The following FRAS1 variants were observed in gnomAD, a reference collection of about 807,000 sequenced individuals.
FRAS1 encodes Fraser extracellular matrix complex subunit 1.
In FRAS1, 290 loss-of-function variants were observed where a neutral mutation model predicts 435.2. That is an observed-to-expected ratio of 0.67 (90% CI 0.61 to 0.73). FRAS1 has a LOEUF of 0.73. Ranked by LOEUF, FRAS1 falls within the 30% of genes least tolerant of loss-of-function variation. The probability of loss-of-function intolerance (pLI) is 0.00; values close to 1 mark genes in which losing one functional copy is unlikely to be tolerated. For missense variants in FRAS1, 4,860 were observed against 5,001.5 expected (o/e 0.97, Z 0.85); for synonymous variants, 1,800 against 1,851.0 (o/e 0.97, Z 0.71).
At chr4:78,511,016 C>T (rs1721017593) in intron 63 of FRAS1, among the ~76,000 whole-genome samples, 1 of 152,196 alleles carries the variant, frequency 6.6e-6, no homozygotes. Context: ...GGAAATCATT[C>T]ATCTATGGGT....
chr4:78,081,133 T>C (rs1740874960), intron 2 of FRAS1, among the ~76,000 whole-genome samples: 1 of 152,014 alleles, frequency 6.6e-6, no homozygotes, highest in South Asian at 2.1e-4. Flanking sequence ...TGGGGGTTTG[T>C]GGGGCTGCAG....
chr4:78,344,910 A>G (rs1302767437), intron 20 of FRAS1, among the ~76,000 whole-genome samples: 1 of 152,230 alleles, frequency 6.6e-6, no homozygotes, highest in Non-Finnish European at 1.5e-5. Context: ...TTTCAGTTGT[A>G]GTCAACAGCT....
intron 47 of FRAS1, among the ~76,000 whole-genome samples, chr4:78,456,196 T>G (rs1294371065): frequency 8.8e-6 from 1 of 113,358 alleles, no homozygotes; most frequent in Non-Finnish European, 1.8e-5. Flanking sequence ...CAGGCTGGAG[T>G]GCAACGGTGT....
chr4:78,425,851 C>A (rs55649620), intron 35 of FRAS1, among the ~76,000 whole-genome samples: 36,338 of 151,996 alleles, frequency 0.24, 4,651 homozygotes, highest in African/African-American at 0.32. Flanking sequence ...GAGTAGATAA[C>A]CTGGCCAGGT....
At chr4:78,157,739 A>G (rs1404802399) in intron 2 of FRAS1, among the ~76,000 whole-genome samples, 1 of 152,134 alleles carries the variant, frequency 6.6e-6, no homozygotes, top group African/African-American at 2.4e-5. Flanking sequence ...ATAGTTTGCA[A>G]ATATTTTCTC....
At position 78,372,859 on chromosome 4, in the gene FRAS1, G is replaced by A. The variant is rs574631014; in HGVS notation, c.3010+1G>A. ...TACCAGGACTCGGGCCTCTGCAAGA[G>A]TAAGTGTGTAGAGGCCCTGCTCTGT... On this transcript the variant is annotated splice_donor_variant, in intron 24 of 73. Coordinates refer to ENST00000512123, the MANE Select transcript of FRAS1 (RefSeq NM_025074.7). LOFTEE classifies it high-confidence loss of function. 66 of 1,612,178 alleles carry A rather than the reference G, an allele frequency of 4.1e-5. No individual in the cohort carries two copies. The highest frequency in any genetic ancestry group is 4.1e-4 in the Middle Eastern group (2 of 4,922).
In FRAS1 at chr4:78,103,263, G is replaced by A. The variant is rs574288814; in HGVS notation, c.108+37247G>A. ...AACAATTTTAATTGTTAAGTAAAGC[G>A]TTTGACCTTCTTAGTATTTCCTTTT... On this transcript the variant is annotated intron_variant, in intron 2 of 73. Transcript: ENST00000512123. 9.1e-4 allele frequency among the ~76,000 whole-genome samples: 139 copies of A among 152,328 alleles called. 1 individual carries two copies. The highest frequency in any genetic ancestry group is 3.2e-3 in the African/African-American group (131 of 41,574).
intron 69 of FRAS1, among the ~76,000 whole-genome samples, chr4:78,526,001 G>A (rs1288401777): frequency 1.3e-5 from 2 of 152,204 alleles, no homozygotes; most frequent in Non-Finnish European, 2.9e-5. Context: ...TGAGTGAAAC[G>A]GGTGCAGGGA....
chr4:78,415,254 T>C (rs958590976), intron 32 of FRAS1, among the ~76,000 whole-genome samples: 15 of 152,108 alleles, frequency 9.9e-5, no homozygotes, highest in Admixed American at 7.9e-4. Context: ...AGACTACAAA[T>C]TGAGTTCAGT....
At chr4:78,489,669 C>A (rs2109865703) in intron 59 of FRAS1, among the ~76,000 whole-genome samples, 1 of 152,268 alleles carries the variant, frequency 6.6e-6, no homozygotes, top group Middle Eastern at 3.4e-3. Context: ...ATTGGTTGAT[C>A]TGAGAAGTTT....
intron 2 of FRAS1, among the ~76,000 whole-genome samples, chr4:78,229,731 G>T (rs1181465150): frequency 1.3e-5 from 2 of 151,488 alleles, no homozygotes; most frequent in Non-Finnish European, 2.9e-5. Context: ...AAAAGTCAGG[G>T]TTTGAATCCC....
At chr4:78,434,673 G>T (rs1282844190) in intron 38 of FRAS1, among the ~76,000 whole-genome samples, 2 of 151,934 alleles carry the variant, frequency 1.3e-5, no homozygotes, top group Admixed American at 6.6e-5. Context: ...TAGAAAAAAA[G>T]GAGAATTTAT....
chr4:78,534,549 C>G lies in FRAS1; in HGVS notation c.11026C>G (p.Leu3676Val). ...FQLCNNEKVF[L>V]MDPNTSDMSL... is the part of the protein sequence containing the mutation. ...GCTCTGCAATAATGAGAAGGTGTTCCTAATGGATCCCAATACATCTGATAT... is the reference window on the plus strand; with the variant it reads ...GCTCTGCAATAATGAGAAGGTGTTCGTAATGGATCCCAATACATCTGATAT... The change falls in exon 71 of 74, where the codon CTA becomes GTA. Residue 3676 changes from leucine to valine, a missense_variant. Leu to Val is a conservative substitution (Grantham distance 32). Coordinates refer to ENST00000512123, the MANE Select transcript of FRAS1 (RefSeq NM_025074.7). 1.2e-6 allele frequency: 2 copies of G among 1,613,380 alleles called. No individual in the cohort carries two copies. The highest frequency in any genetic ancestry group is 1.7e-6 in the Non-Finnish European group (2 of 1,179,408).
intron 14 of FRAS1, among the ~76,000 whole-genome samples, chr4:78,307,117 C>G (rs1486730188): frequency 6.6e-6 from 1 of 152,070 alleles, no homozygotes; most frequent in East Asian, 1.9e-4. Context: ...TGTTGGAGTA[C>G]CCGGCACTGT....
intron 2 of FRAS1, among the ~76,000 whole-genome samples, chr4:78,194,189 C>T (rs2110067520): frequency 6.6e-6 from 1 of 152,332 alleles, no homozygotes; most frequent in South Asian, 2.1e-4. Flanking sequence ...ACCTTTCTCT[C>T]TGGCTGCCCT....
At chr4:78,424,111 T>C (rs566798719) in intron 34 of FRAS1, among the ~76,000 whole-genome samples, 28 of 152,306 alleles carry the variant, frequency 1.8e-4, no homozygotes, top group Middle Eastern at 6.8e-3. Flanking sequence ...TGTACTGTGA[T>C]AAAATGGGTT....
At chr4:78,515,628 T>C (rs1721182865) in intron 65 of FRAS1, among the ~76,000 whole-genome samples, 171 bp from the exon 66 acceptor site, 1 of 152,194 alleles carries the variant, frequency 6.6e-6, no homozygotes, top group African/African-American at 2.4e-5. Context: ...GCAAGCGCTT[T>C]CCAAGATCCC....
chr4:78,386,001 G>T (rs2110328045), intron 28 of FRAS1, among the ~76,000 whole-genome samples: 1 of 151,930 alleles, frequency 6.6e-6, no homozygotes, highest in African/African-American at 2.4e-5. Flanking sequence ...CAGAAACTTT[G>T]TTTCGTTCTT....
At chr4:78,228,565 T>C (rs1724370457) in intron 2 of FRAS1, among the ~76,000 whole-genome samples, 1 of 152,206 alleles carries the variant, frequency 6.6e-6, no homozygotes, top group Non-Finnish European at 1.5e-5. Context: ...GATATCCTAT[T>C]TTGTGTGTGT....
Sources: gnomAD v4.1 joint callset for allele counts (sites outside exome capture counted in the v4.1 genomes callset) on GRCh38, gnomAD v4.1.1 for gene constraint, MANE v1.5 for transcripts, NCBI Gene and HGNC (gene_info 2026-07-23, HGNC 2026-07-21) for gene names.